The following GRIK2 variants were observed in gnomAD, a reference collection of about 807,000 sequenced individuals.
GRIK2 encodes glutamate ionotropic receptor kainate type subunit 2, also known as glutamate receptor ionotropic, kainate 2.
Under a neutral mutation model 100.3 loss-of-function variants are expected in GRIK2, and 32 were observed. The observed-to-expected ratio is 0.32, with a 90% CI of 0.24 to 0.43. The LOEUF is 0.43. Among genes scored for constraint, GRIK2 ranks in the 20% least tolerant of loss-of-function variants. GRIK2 has a pLI of 1.00. For synonymous variants in GRIK2, 417 were observed against 389.4 expected, an observed-to-expected ratio of 1.07 and a Z score of -0.83; for missense variants, 843 against 1,114.9, an observed-to-expected ratio of 0.76 and a Z score of 3.47.
intron 14 of GRIK2, among the ~76,000 whole-genome samples, chr6:101,972,872 T>G (rs1793139449): frequency 6.6e-6 from 1 of 152,008 alleles, no homozygotes; most frequent in African/African-American, 2.4e-5. Flanking sequence ...GTGGTTTTAT[T>G]TATGGGTTCT....
chr6:101,556,174 G>T (rs1226191430), intron 2 of GRIK2, among the ~76,000 whole-genome samples: 2 of 151,442 alleles, frequency 1.3e-5, no homozygotes, highest in East Asian at 3.9e-4. Flanking sequence ...TTATCCGAAG[G>T]TATCTTTTTC....
chr6:101,958,284 G>GTGTGTGTGTGTGTGTGTGT (rs758541113), intron 14 of GRIK2, among the ~76,000 whole-genome samples: 43 of 18,890 alleles, frequency 2.3e-3, no homozygotes, highest in Middle Eastern at 0.026. Context: ...TGTGTGTGTG[G>GTGTGTGTGTGTGTGTGTGT]GTCCATTGCA....
intron 10 of GRIK2, among the ~76,000 whole-genome samples, chr6:101,832,473 T>C (rs1782764669): frequency 6.6e-6 from 1 of 152,194 alleles, no homozygotes; most frequent in African/African-American, 2.4e-5. Flanking sequence ...TCACAAATTA[T>C]TAAAAGTTAG....
chr6:101,477,331 A>G (rs1303350537), intron 2 of GRIK2, among the ~76,000 whole-genome samples: 1 of 152,184 alleles, frequency 6.6e-6, no homozygotes, highest in Non-Finnish European at 1.5e-5. Flanking sequence ...GCAAGACATC[A>G]TCAGAACGGT....
intron 2 of GRIK2, among the ~76,000 whole-genome samples, chr6:101,609,418 G>A (rs1019848123): frequency 2.6e-5 from 4 of 151,688 alleles, no homozygotes; most frequent in Non-Finnish European, 5.9e-5. Flanking sequence ...TCCACAGACT[G>A]TTCTAATTAT....
chr6:101,743,531 T>C (rs1319106309), intron 7 of GRIK2, among the ~76,000 whole-genome samples: 1 of 152,222 alleles, frequency 6.6e-6, no homozygotes, highest in Non-Finnish European at 1.5e-5. Flanking sequence ...TTCTTTATCT[T>C]GGCCTTTAGA....
intron 2 of GRIK2, among the ~76,000 whole-genome samples, chr6:101,537,850 T>A (rs1437318652): frequency 6.6e-6 from 1 of 151,778 alleles, no homozygotes; most frequent in Non-Finnish European, 1.5e-5. Flanking sequence ...GGTAATACCT[T>A]GCTGTGAGCA....
intron 7 of GRIK2, among the ~76,000 whole-genome samples, chr6:101,740,890 C>T (rs1433491342): frequency 1.3e-5 from 2 of 152,146 alleles, no homozygotes; most frequent in Non-Finnish European, 2.9e-5. Context: ...GAGGGTTCTG[C>T]CCACTGACCC....
intron 11 of GRIK2, among the ~76,000 whole-genome samples, chr6:101,881,854 A>C (rs1786271148): frequency 6.6e-6 from 1 of 152,058 alleles, no homozygotes; most frequent in African/African-American, 2.4e-5. Context: ...CCCTGTCCCT[A>C]AAAAATAAAT....
Position 101,429,253 on chromosome 6 carries a change from G to GTCC in GRIK2, c.115+29861_115+29862insTCC, listed in dbSNP as rs1403889433. Among the ~76,000 whole-genome samples the GTCC allele has an allele frequency of 3.4e-3, 512 of 152,222 alleles. 4 individuals are homozygous for GTCC. Among genetic ancestry groups the GTCC allele is most frequent in the African/African-American group, 0.012 (490 of 41,538 alleles). The stretch of plus-strand genomic sequence containing the variant: ...CACAAGGTCCTCAATTTTGTAAATG[G>GTCC]CACGTTCAGAGGGGAATCAAATTGC... On this transcript the variant is annotated intron_variant, in intron 2 of 16. Transcript: ENST00000369134.
intron 7 of GRIK2, among the ~76,000 whole-genome samples, chr6:101,788,358 C>T (rs1013967915): frequency 1.3e-5 from 2 of 152,032 alleles, no homozygotes; most frequent in East Asian, 3.9e-4. Context: ...ATCCCTCCCC[C>T]CTGCCCCCAC....
intron 2 of GRIK2, among the ~76,000 whole-genome samples, chr6:101,562,225 A>T (rs1326856552): frequency 6.6e-6 from 1 of 152,174 alleles, no homozygotes; most frequent in East Asian, 1.9e-4. Flanking sequence ...TCCCTAAAAA[A>T]AAAACTTTAG....
chr6:101,889,223 GTTATTA>G (rs1020205421), intron 11 of GRIK2, among the ~76,000 whole-genome samples: 1 of 151,768 alleles, frequency 6.6e-6, no homozygotes, highest in Non-Finnish European at 1.5e-5. Flanking sequence ...ATTTGATGTA[GTTATTA>G]TTACTATTAT....
intron 11 of GRIK2, among the ~76,000 whole-genome samples, chr6:101,873,387 T>C (rs1582427477): frequency 6.6e-6 from 1 of 151,918 alleles, no homozygotes; most frequent in African/African-American, 2.4e-5. Flanking sequence ...AGAATGATGG[T>C]TTCCAGCTTC....
intron 2 of GRIK2, among the ~76,000 whole-genome samples, chr6:101,516,502 T>A (rs559449288): frequency 1.4e-4 from 21 of 152,156 alleles, no homozygotes; most frequent in African/African-American, 4.8e-4. Context: ...GCACCCTTTT[T>A]AACAAATGAT....
chr6:101,883,316 TAATAATA>T (rs1786392564), intron 11 of GRIK2, among the ~76,000 whole-genome samples: 1 of 148,476 alleles, frequency 6.7e-6, no homozygotes, highest in Non-Finnish European at 1.5e-5. Flanking sequence ...ATAATAATAA[TAATAATA>T]TAATAAAGGG....
intron 10 of GRIK2, among the ~76,000 whole-genome samples, chr6:101,824,380 A>G (rs1782177198): frequency 6.6e-6 from 1 of 152,106 alleles, no homozygotes; most frequent in Non-Finnish European, 1.5e-5. Flanking sequence ...GTGACAACAT[A>G]CAGTGTTTGG....
intron 7 of GRIK2, among the ~76,000 whole-genome samples, chr6:101,764,095 C>T (rs767200720): frequency 6.6e-6 from 1 of 152,160 alleles, no homozygotes; most frequent in South Asian, 2.1e-4. Context: ...TTCACTGTCT[C>T]TCTCTCTCAT....
intron 4 of GRIK2, among the ~76,000 whole-genome samples, chr6:101,670,100 C>T (rs1481593340): frequency 1.3e-5 from 2 of 151,734 alleles, no homozygotes; most frequent in Non-Finnish European, 2.9e-5. Flanking sequence ...TTTTTTAAAA[C>T]ATTGAATGTG....
Sources: gnomAD v4.1 joint callset for allele counts (sites outside exome capture counted in the v4.1 genomes callset) on GRCh38, gnomAD v4.1.1 for gene constraint, MANE v1.5 for transcripts, NCBI Gene and HGNC (gene_info 2026-07-23, HGNC 2026-07-21) for gene names.